Variants in ASPH observed in about 807,000 individuals in gnomAD.
ASPH encodes aspartyl/asparaginyl beta-hydroxylase.
A neutral mutation model predicts 118.4 loss-of-function variants in ASPH; 100 were observed. The observed-to-expected ratio is 0.84, with a 90% CI of 0.72 to 1.00. The LOEUF (loss-of-function observed/expected upper bound fraction) is 1.00. ASPH is among the 50% of genes least tolerant of loss of function. The pLI is 0.00. For synonymous variants in ASPH, 315 were observed against 325.6 expected, an observed-to-expected ratio of 0.97 and a Z score of 0.35; for missense variants, 920 against 919.5, an observed-to-expected ratio of 1.00 and a Z score of -0.01.
chr8:61,637,931 C>T lies in ASPH; in HGVS notation c.889+16G>A. The T allele has an allele frequency of 6.2e-7, 1 of 1,602,116 alleles. No homozygotes were observed. The highest frequency in any genetic ancestry group is 8.5e-7 in the Non-Finnish European group (1 of 1,173,898). ...CTCATATGGAAGGTAAAACCACTTC[C>T]ATAAATTTATCTTACCTTCTACAAT... On this transcript the variant is annotated intron_variant, in intron 12 of 24. Transcript: ENST00000379454.
At chr8:61,590,030 GTTTT>G (rs900951914) in intron 14 of ASPH, among the ~76,000 whole-genome samples, 2 of 151,950 alleles carry the variant, frequency 1.3e-5, no homozygotes, top group African/African-American at 4.8e-5. Context: ...TTATTGTTAG[GTTTT>G]TTTGTTTGTT....
intron 7 of ASPH, among the ~76,000 whole-genome samples, chr8:61,644,389 G>A (rs950508972): frequency 6.6e-6 from 1 of 152,142 alleles, no homozygotes; most frequent in Non-Finnish European, 1.5e-5. Context: ...TAATCCTACT[G>A]AAAATTTATC....
At chr8:61,596,655 C>G (rs890532731) in intron 14 of ASPH, among the ~76,000 whole-genome samples, 10 of 152,218 alleles carry the variant, frequency 6.6e-5, no homozygotes, top group Non-Finnish European at 1.2e-4. Flanking sequence ...CCAAGGAAAT[C>G]ATACTGAGAC....
chr8:61,671,469 TTTC>T (rs1410851226), intron 3 of ASPH, among the ~76,000 whole-genome samples: 1 of 152,210 alleles, frequency 6.6e-6, no homozygotes, highest in Admixed American at 6.5e-5. Context: ...CATCTTGGTA[TTTC>T]TTAATCCATT....
intron 3 of ASPH, chr8:61,668,087 C>T: frequency 1.5e-6 from 1 of 648,898 alleles, no homozygotes; most frequent in South Asian, 2.3e-5. Context: ...CTTGATAAAA[C>T]TACTTATAAC....
At chr8:61,552,964 C>A in intron 20 of ASPH, 67 bp downstream of exon 20, 1 of 1,324,342 alleles carries the variant, frequency 7.6e-7, no homozygotes, top group Non-Finnish European at 1.1e-6. Context: ...TCTAACTTTC[C>A]TAGAAATAAT....
At chr8:61,668,875 G>C (rs1207299024) in intron 3 of ASPH, among the ~76,000 whole-genome samples, 1 of 152,176 alleles carries the variant, frequency 6.6e-6, no homozygotes, top group Non-Finnish European at 1.5e-5. Flanking sequence ...GCAAATGAAA[G>C]TTCTGATAAT....
chr8:61,620,743 C>G (rs2150523748), intron 13 of ASPH, among the ~76,000 whole-genome samples: 1 of 152,324 alleles, frequency 6.6e-6, no homozygotes, highest in African/African-American at 2.4e-5. Flanking sequence ...TGCAGGAACA[C>G]TGCAACCCTC....
intron 21 of ASPH, among the ~76,000 whole-genome samples, chr8:61,527,541 A>T (rs1262621400): frequency 6.6e-6 from 1 of 152,246 alleles, no homozygotes; most frequent in Non-Finnish European, 1.5e-5. Flanking sequence ...TTATAATTTT[A>T]TGATATGTAT....
chr8:61,515,272 C>T (rs1456932104), intron 24 of ASPH, among the ~76,000 whole-genome samples: 1 of 152,158 alleles, frequency 6.6e-6, no homozygotes, highest in Non-Finnish European at 1.5e-5. Context: ...GAATTCCTTG[C>T]ATCCTCCAAT....
chr8:61,630,963 T>C (rs747212584), intron 13 of ASPH, among the ~76,000 whole-genome samples: 15 of 152,126 alleles, frequency 9.9e-5, no homozygotes, highest in Admixed American at 2.6e-4. Flanking sequence ...GACAGTGATA[T>C]TGATGATCCT....
At chr8:61,521,627 G>C (rs560828482) in intron 22 of ASPH, among the ~76,000 whole-genome samples, 24 of 152,308 alleles carry the variant, frequency 1.6e-4, no homozygotes, top group Non-Finnish European at 1.5e-5. Context: ...GCCTGAAGAG[G>C]AATGCCCAGC....
In ASPH at chr8:61,507,635, A is replaced by C. The variant is rs563917733; in HGVS notation, c.2127-4126T>G. On this transcript the variant is annotated intron_variant, in intron 24 of 24. Transcript: ENST00000379454. ...CTTAAGTGACTCCAGGTTAAATTCGAGATGTATCACATGCTTGGGAAAGGA... is the reference window on the plus strand; with the variant it reads ...CTTAAGTGACTCCAGGTTAAATTCGCGATGTATCACATGCTTGGGAAAGGA... Among the ~76,000 whole-genome samples the C allele has an allele frequency of 2.0e-4, 27 of 132,428 alleles. No homozygotes were observed. The East Asian group carries it at 5.7e-3, about 28-fold the overall frequency. 86.9% of individuals were successfully genotyped at this position (132,428 alleles called of 152,430 possible). A position where few individuals can be genotyped will look rare whatever the true frequency, so the allele number is the denominator to read the frequency against.
intron 4 of ASPH, among the ~76,000 whole-genome samples, chr8:61,651,587 A>C (rs1272935616): frequency 2.0e-5 from 3 of 152,200 alleles, no homozygotes; most frequent in Non-Finnish European, 4.4e-5. Context: ...GAGAGGAGAA[A>C]GGGCACTCCT....
chr8:61,624,894 A>T, intron 13 of ASPH: 1 of 985,536 alleles, frequency 1.0e-6, no homozygotes, highest in Non-Finnish European at 1.2e-6. Context: ...GCTTTAGAAA[A>T]TTATTGCTTT....
intron 18 of ASPH, among the ~76,000 whole-genome samples, chr8:61,556,759 A>C (rs981787679): frequency 6.6e-6 from 1 of 152,250 alleles, no homozygotes; most frequent in Non-Finnish European, 1.5e-5. Flanking sequence ...TTTATGGAAC[A>C]AAAGAGAAGG....
At chr8:61,578,797 T>G (rs1245031118) in intron 15 of ASPH, 11 of 1,603,860 alleles carry the variant, frequency 6.9e-6, no homozygotes, top group Admixed American at 1.7e-5. Context: ...GAGAATGAAT[T>G]TGTCCTCATC....
intron 20 of ASPH, among the ~76,000 whole-genome samples, chr8:61,551,548 C>T (rs1826010345): frequency 6.6e-6 from 1 of 152,202 alleles, no homozygotes; most frequent in Admixed American, 6.5e-5. Flanking sequence ...AGAACAGTCC[C>T]ATACGTTCAA....
chr8:61,683,653 T>G (rs1297178654), intron 2 of ASPH: 1 of 157,882 alleles, frequency 6.3e-6, no homozygotes. Flanking sequence ...GCATATTGTG[T>G]GGTTATGATC....
Sources: allele counts gnomAD v4.1 joint callset (sites outside exome capture counted in the v4.1 genomes callset), GRCh38; gene constraint gnomAD v4.1.1; transcripts MANE v1.5; gene names NCBI Gene and HGNC (gene_info 2026-07-23, HGNC 2026-07-21).